The following KCTD16 variants were observed in gnomAD, a reference collection of about 807,000 sequenced individuals.
KCTD16 encodes the protein potassium channel tetramerization domain containing 16, also known as BTB/POZ domain-containing protein KCTD16.
Under a neutral mutation model 33.2 loss-of-function variants are expected in KCTD16, and 13 were observed. The observed-to-expected ratio is 0.39, with a 90% CI of 0.25 to 0.62. The LOEUF (loss-of-function observed/expected upper bound fraction) is 0.62, where lower values mean the gene tolerates loss of function less well. Ranked by LOEUF, KCTD16 falls within the 20% of genes least tolerant of loss-of-function variation. KCTD16 has a pLI of 0.50. For synonymous variants in KCTD16, 197 were observed against 195.3 expected, an observed-to-expected ratio of 1.01 and a Z score of -0.07; for missense variants, 441 against 525.1, an observed-to-expected ratio of 0.84 and a Z score of 1.57.
At chr5:144,220,466 A>G (rs187732310) in intron 3 of KCTD16, among the ~76,000 whole-genome samples, 16 of 152,254 alleles carry the variant, frequency 1.1e-4, no homozygotes, top group Non-Finnish European at 1.2e-4. Context: ...TAGGAACTCA[A>G]TAAGTTATTT....
intron 3 of KCTD16, among the ~76,000 whole-genome samples, chr5:144,446,129 C>T (rs1033348410): frequency 1.3e-5 from 2 of 151,766 alleles, no homozygotes; most frequent in African/African-American, 4.8e-5. Context: ...ACTTTGTCAG[C>T]TAATTGTGTC....
At chr5:144,415,082 G>T (rs973632555) in intron 3 of KCTD16, among the ~76,000 whole-genome samples, 10 of 152,130 alleles carry the variant, frequency 6.6e-5, no homozygotes, top group African/African-American at 2.4e-4. Flanking sequence ...CAAGAGCAAA[G>T]GTCCCATCTG....
At chr5:144,442,030 C>T (rs1753723085) in intron 3 of KCTD16, among the ~76,000 whole-genome samples, 1 of 152,050 alleles carries the variant, frequency 6.6e-6, no homozygotes, top group South Asian at 2.1e-4. Flanking sequence ...TTTTAGTGTA[C>T]AAGACTTGCA....
intron 3 of KCTD16, among the ~76,000 whole-genome samples, chr5:144,244,747 G>T (rs1423930514): frequency 6.6e-6 from 1 of 152,136 alleles, no homozygotes; most frequent in Non-Finnish European, 1.5e-5. Context: ...AGACTGATCT[G>T]CCAGGAGCCT....
At chr5:144,171,663 A>C (rs1448559323) in intron 1 of KCTD16, among the ~76,000 whole-genome samples, 2 of 152,182 alleles carry the variant, frequency 1.3e-5, no homozygotes, top group Non-Finnish European at 2.9e-5. Flanking sequence ...GGTGGGGGCA[A>C]CATTAGCTGA....
Position 144,479,262 on chromosome 5 carries a change from C to A in KCTD16, c.*5148C>A, listed in dbSNP as rs534853448. On this transcript the variant is annotated 3_prime_UTR_variant, in exon 4 of 4. Transcript: ENST00000512467. ...GCGCCATTGAACTGCTAAATTTGTC[C>A]AATTTGACTCAATCAGGACTATGAA... 9 of 149,196 alleles carry A rather than the reference C, an allele frequency of 6.0e-5. No individual in the cohort carries two copies. Among genetic ancestry groups the A allele is most frequent in the African/African-American group, 2.2e-4 (9 of 40,792 alleles). The allele number at this position is 149,196 out of a possible 1,614,324, so 9.2% of individuals were successfully genotyped here. A position where few individuals can be genotyped will look rare whatever the true frequency, so the allele number is the denominator to read the frequency against.
chr5:144,299,138 ATATATATATATTTTTTTTTT>A (rs1751334985), intron 3 of KCTD16, among the ~76,000 whole-genome samples: 1 of 29,246 alleles, frequency 3.4e-5, no homozygotes, highest in African/African-American at 3.7e-4. Context: ...ATATATATAT[ATATATATATATTTTTTTTTT>A]TTTTTTTAAC....
At chr5:144,369,048 A>T (rs1751902604) in intron 3 of KCTD16, among the ~76,000 whole-genome samples, 1 of 152,172 alleles carries the variant, frequency 6.6e-6, no homozygotes, top group African/African-American at 2.4e-5. Context: ...ATGAACCATT[A>T]TGCCAGGTAT....
intron 3 of KCTD16, among the ~76,000 whole-genome samples, chr5:144,458,896 G>C (rs1411377341): frequency 6.6e-6 from 1 of 152,188 alleles, no homozygotes; most frequent in Non-Finnish European, 1.5e-5. Context: ...AGAAAGTGAA[G>C]ACAGCACATG....
At chr5:144,448,658 A>T (rs1225165946) in intron 3 of KCTD16, among the ~76,000 whole-genome samples, 1 of 152,134 alleles carries the variant, frequency 6.6e-6, no homozygotes, top group East Asian at 1.9e-4. Context: ...GCATATTTTT[A>T]AAATGACAGC....
At chr5:144,371,586 G>C (rs755855888) in intron 3 of KCTD16, among the ~76,000 whole-genome samples, 2 of 152,132 alleles carry the variant, frequency 1.3e-5, no homozygotes, top group Admixed American at 6.6e-5. Flanking sequence ...ACAAGAAGCA[G>C]CTGATTCTGT....
intron 3 of KCTD16, among the ~76,000 whole-genome samples, chr5:144,369,650 A>G (rs1013243228): frequency 1.3e-5 from 2 of 152,172 alleles, no homozygotes; most frequent in Non-Finnish European, 2.9e-5. Context: ...ACACCTCTGA[A>G]ATACACATTG....
At chr5:144,457,837 A>T (rs958036200) in intron 3 of KCTD16, among the ~76,000 whole-genome samples, 5 of 152,192 alleles carry the variant, frequency 3.3e-5, no homozygotes, top group Non-Finnish European at 7.3e-5. Context: ...GAATTTGGCC[A>T]TGGTCATATA....
intron 1 of KCTD16, among the ~76,000 whole-genome samples, chr5:144,171,239 G>C (rs1752376134): frequency 1.3e-5 from 2 of 152,086 alleles, no homozygotes; most frequent in Admixed American, 1.3e-4. Context: ...ATAATTCTTT[G>C]AAAGAGTAAC....
chr5:144,412,403 A>C (rs1752952186), intron 3 of KCTD16, among the ~76,000 whole-genome samples: 1 of 152,220 alleles, frequency 6.6e-6, no homozygotes, highest in Non-Finnish European at 1.5e-5. Flanking sequence ...TCATTATGTT[A>C]AGTGAAATAA....
intron 3 of KCTD16, among the ~76,000 whole-genome samples, chr5:144,255,368 T>C (rs1474707681): frequency 6.6e-6 from 1 of 152,206 alleles, no homozygotes; most frequent in Non-Finnish European, 1.5e-5. Context: ...TTTTTTTTTA[T>C]CATATGGTGG....
At chr5:144,350,105 A>G (rs1405177918) in intron 3 of KCTD16, among the ~76,000 whole-genome samples, 1 of 152,228 alleles carries the variant, frequency 6.6e-6, no homozygotes. Flanking sequence ...CTACAGAATT[A>G]TCCAGAATAA....
chr5:144,336,848 A>G (rs1228137776), intron 3 of KCTD16, among the ~76,000 whole-genome samples: 1 of 151,984 alleles, frequency 6.6e-6, no homozygotes, highest in Non-Finnish European at 1.5e-5. Context: ...ATACTCCTAC[A>G]TGCCTCTCAT....
chr5:144,176,109 C>T (rs1752500140), intron 2 of KCTD16, among the ~76,000 whole-genome samples: 1 of 152,060 alleles, frequency 6.6e-6, no homozygotes, highest in Non-Finnish European at 1.5e-5. Flanking sequence ...TCTTAAGAAC[C>T]GCCTATATTT....
Sources: gnomAD v4.1 joint callset for allele counts (sites outside exome capture counted in the v4.1 genomes callset) on GRCh38, gnomAD v4.1.1 for gene constraint, MANE v1.5 for transcripts, NCBI Gene and HGNC (gene_info 2026-07-23, HGNC 2026-07-21) for gene names.